Variants in PTPRN2 observed in about 807,000 individuals in gnomAD.
PTPRN2 encodes protein tyrosine phosphatase receptor type N2.
In PTPRN2, 74 loss-of-function variants were observed where a neutral mutation model predicts 118.8. The ratio of observed to expected loss-of-function variants is 0.62; its 90% CI spans 0.52 to 0.76. The LOEUF (loss-of-function observed/expected upper bound fraction) is 0.76. Ranked by LOEUF, PTPRN2 falls within the 30% of genes least tolerant of loss-of-function variation. The pLI, the probability that PTPRN2 is intolerant of heterozygous loss-of-function variation, is 0.00. For synonymous variants in PTPRN2, 641 were observed against 608.0 expected, an observed-to-expected ratio of 1.05 and a Z score of -0.80; for missense variants, 1,481 against 1,394.4, an observed-to-expected ratio of 1.06 and a Z score of -0.99.
At chr7:158,169,111 G>C (rs181734231) in intron 5 of PTPRN2, among the ~76,000 whole-genome samples, 101 of 152,336 alleles carry the variant, frequency 6.6e-4, no homozygotes, top group Middle Eastern at 3.4e-3. Context: ...AGCCATCACT[G>C]ACAGTAAGGT....
intron 1 of PTPRN2, among the ~76,000 whole-genome samples, chr7:158,502,108 G>A (rs1020761628): frequency 1.3e-5 from 2 of 152,184 alleles, no homozygotes; most frequent in Non-Finnish European, 2.9e-5. Context: ...GGAGAAAAGT[G>A]AGAGAAATTG....
chr7:158,271,499 A>C (rs181247640), intron 3 of PTPRN2, among the ~76,000 whole-genome samples: 68 of 152,284 alleles, frequency 4.5e-4, no homozygotes, highest in African/African-American at 1.6e-3. Flanking sequence ...CTCTCAGCAG[A>C]GTCCACATGC....
intron 11 of PTPRN2, among the ~76,000 whole-genome samples, chr7:157,961,619 T>C (rs116833702): frequency 0.011 from 1,710 of 152,306 alleles, 46 homozygotes; most frequent in African/African-American, 0.039. Context: ...CCAAGAGACC[T>C]GTCTCAGCAT....
intron 2 of PTPRN2, among the ~76,000 whole-genome samples, chr7:158,338,367 GAGGTGACACCTGCAGACGT>G: frequency 1.9e-4 from 1 of 5,312 alleles, no homozygotes; most frequent in Non-Finnish European, 6.2e-4. Context: ...CTCACCATAA[GAGGTGACACCTGCAGACGT>G]CACTCACACC....
At chr7:157,887,255 T>C (rs1396494712) in intron 12 of PTPRN2, among the ~76,000 whole-genome samples, 1 of 152,122 alleles carries the variant, frequency 6.6e-6, no homozygotes, top group East Asian at 1.9e-4. Flanking sequence ...CAGATTTCCC[T>C]TTCAGACGCA....
At chr7:158,533,765 G>A (rs1825424380) in intron 1 of PTPRN2, among the ~76,000 whole-genome samples, 1 of 152,232 alleles carries the variant, frequency 6.6e-6, no homozygotes, top group South Asian at 2.1e-4. Flanking sequence ...GCTTTCCAGG[G>A]TGCCCTGATG....
At chr7:157,602,856 G>A (rs1290309222) in intron 16 of PTPRN2, among the ~76,000 whole-genome samples, 1 of 152,228 alleles carries the variant, frequency 6.6e-6, no homozygotes, top group Non-Finnish European at 1.5e-5. Context: ...AGAAACTTTG[G>A]GACACCGTAG....
At chr7:158,096,043 T>C (rs1205264928) in intron 10 of PTPRN2, among the ~76,000 whole-genome samples, 2 of 152,226 alleles carry the variant, frequency 1.3e-5, no homozygotes, top group African/African-American at 4.8e-5. Flanking sequence ...AATGGGTTCT[T>C]CTTGCCAATC....
intron 3 of PTPRN2, among the ~76,000 whole-genome samples, chr7:158,247,775 C>T (rs765032577): frequency 5.3e-5 from 8 of 152,142 alleles, no homozygotes; most frequent in Non-Finnish European, 8.8e-5. Context: ...CACCACCATG[C>T]CTGGGTAACT....
In PTPRN2 at chr7:158,524,467, C is replaced by T. The variant is rs111542853; in HGVS notation, c.113-34682G>A. Among the ~76,000 whole-genome samples, 39 of 91,984 alleles carry T rather than the reference C, an allele frequency of 4.2e-4. 1 individual carries two copies. Among genetic ancestry groups the T allele is most frequent in the Middle Eastern group, 8.9e-3 (1 of 112 alleles). The allele number at this position is 91,984 out of a possible 152,430, so 60.3% of individuals were successfully genotyped here. ...CCCTGGAGCGGAGTCTGCCCTGGAG[C>T]GGAGTCTGCCCTGGAGCGGAGTCTG... On this transcript the variant is annotated intron_variant, in intron 1 of 22. Coordinates refer to ENST00000389418, the MANE Select transcript of PTPRN2 (RefSeq NM_002847.5).
chr7:158,282,828 C>T (rs1450297050), intron 3 of PTPRN2, among the ~76,000 whole-genome samples: 1 of 148,778 alleles, frequency 6.7e-6, no homozygotes, highest in East Asian at 2.0e-4. Flanking sequence ...ACACACACAG[C>T]AGCCGGACAC....
At chr7:157,830,512 G>C (rs1362253004) in intron 12 of PTPRN2, among the ~76,000 whole-genome samples, 1 of 151,802 alleles carries the variant, frequency 6.6e-6, no homozygotes, top group Non-Finnish European at 1.5e-5. Flanking sequence ...CGCGGGGAGG[G>C]GTTGACCGTG....
chr7:158,341,930 C>A (rs1183737190), intron 2 of PTPRN2, among the ~76,000 whole-genome samples: 1 of 144,720 alleles, frequency 6.9e-6, no homozygotes, highest in African/African-American at 2.6e-5. Context: ...CACTCACACC[C>A]ACATTCTCAC....
intron 11 of PTPRN2, among the ~76,000 whole-genome samples, chr7:157,932,718 G>A (rs973569589): frequency 3.3e-5 from 5 of 151,852 alleles, no homozygotes; most frequent in South Asian, 2.1e-4. Context: ...AGTTTAAGAG[G>A]AGGGGTGAGT....
intron 3 of PTPRN2, among the ~76,000 whole-genome samples, chr7:158,238,284 A>T (rs2150845024): frequency 6.6e-6 from 1 of 152,214 alleles, no homozygotes; most frequent in African/African-American, 2.4e-5. Context: ...CCTGATGGCC[A>T]TCGCAGATCA....
chr7:157,999,503 C>A (rs748916197), intron 11 of PTPRN2, among the ~76,000 whole-genome samples: 1 of 152,188 alleles, frequency 6.6e-6, no homozygotes, highest in Non-Finnish European at 1.5e-5. Context: ...CCTGCGTTTT[C>A]CACCAACACA....
intron 9 of PTPRN2, among the ~76,000 whole-genome samples, chr7:158,127,473 C>T (rs760746295): frequency 1.4e-4 from 21 of 152,268 alleles, no homozygotes; most frequent in Admixed American, 4.6e-4. Context: ...TTCTAGGTCT[C>T]GGGGCTGCCG....
intron 2 of PTPRN2, among the ~76,000 whole-genome samples, chr7:158,366,278 C>A (rs1016720544): frequency 6.7e-6 from 1 of 150,246 alleles, no homozygotes; most frequent in Non-Finnish European, 1.5e-5. Context: ...ACACCCACAG[C>A]ATCCCTGGGA....
chr7:158,060,137 C>T (rs35748304), intron 11 of PTPRN2, among the ~76,000 whole-genome samples: 1 of 91,488 alleles, frequency 1.1e-5, no homozygotes, highest in Admixed American at 1.0e-4. Context: ...CACACGGTGA[C>T]ACATCACTGC....
Sources: gnomAD v4.1 joint callset for allele counts (sites outside exome capture counted in the v4.1 genomes callset) on GRCh38, gnomAD v4.1.1 for gene constraint, MANE v1.5 for transcripts, NCBI Gene and HGNC (gene_info 2026-07-23, HGNC 2026-07-21) for gene names.